The following PODXL variants were observed in gnomAD, a reference collection of about 807,000 sequenced individuals.
PODXL encodes the protein podocalyxin.
PODXL carries 20 observed loss-of-function variants against 48.9 expected under a neutral mutation model. That is an observed-to-expected ratio of 0.41 (90% CI 0.29 to 0.59). The LOEUF (loss-of-function observed/expected upper bound fraction) is 0.59. Among genes scored for constraint, PODXL ranks in the 20% least tolerant of loss-of-function variants. PODXL has a pLI of 0.31. For missense variants in PODXL, 606 were observed against 675.1 expected, an observed-to-expected ratio of 0.90 and a Z score of 1.13; for synonymous variants, 295 against 287.4, an observed-to-expected ratio of 1.03 and a Z score of -0.27.
rs1797908698 is a variant in PODXL at position 131,511,233 on chromosome 7, C to T, written c.301G>A (p.Gly101Ser). 6.2e-7 allele frequency: 1 copy of T among 1,614,040 alleles called. No individual in the cohort carries two copies. The highest frequency in any genetic ancestry group is 2.2e-5 in the East Asian group (1 of 44,870). Residue 101 changes from glycine to serine, a missense_variant, in exon 2 of 9, where the codon GGC (glycine) becomes AGC (serine). Coordinates refer to ENST00000378555, the MANE Select transcript of PODXL (RefSeq NM_001018111.3). ...CTAGCCACGGTAGTGTTGACTGGGC[C>T]TGAGACTTGCTGAGCCAGGGTTGTA... The part of the protein sequence containing the change: ...GTTTLAQQVS[G>S]PVNTTVARGG...
chr7:131,523,111 T>G (rs1263091602), intron 1 of PODXL, among the ~76,000 whole-genome samples: 1 of 152,234 alleles, frequency 6.6e-6, no homozygotes, highest in Non-Finnish European at 1.5e-5. Flanking sequence ...CCAAGCTATT[T>G]TCCAAAGTGG....
chr7:131,524,377 C>CAGAGAGAGAGAGAGAGAGAGAGAGAG (rs1451998492), intron 1 of PODXL, among the ~76,000 whole-genome samples: 1 of 24,034 alleles, frequency 4.2e-5, no homozygotes, highest in Admixed American at 5.2e-4. Flanking sequence ...CACACACACA[C>CAGAGAGAGAGAGAGAGAGAGAGAGAG]ACAGAGAGAG....
chr7:131,505,767 G>A (rs1797786821), intron 8 of PODXL, 101 bp downstream of exon 8: 2 of 1,200,190 alleles, frequency 1.7e-6, no homozygotes, highest in South Asian at 3.0e-5. Flanking sequence ...AAGGGTCCAG[G>A]GCCTGCTCCC....
intron 7 of PODXL, 38 bp from the exon 8 acceptor site, chr7:131,506,073 C>G: frequency 2.5e-6 from 4 of 1,592,026 alleles, no homozygotes; most frequent in Non-Finnish European, 3.4e-6. Flanking sequence ...TGGGGGCATC[C>G]TCTCTCCCTC....
At chr7:131,522,791 G>A (rs777941840) in intron 1 of PODXL, among the ~76,000 whole-genome samples, 18 of 152,168 alleles carry the variant, frequency 1.2e-4, no homozygotes, top group Non-Finnish European at 1.3e-4. Flanking sequence ...CTTTCACTTT[G>A]ATGTGTTTTC....
rs1158688883 is a variant in PODXL at position 131,509,021 on chromosome 7, C to G, written c.1031G>C (p.Cys344Ser). The change falls in exon 5 of 9, where the codon TGT (cysteine) becomes TCT (serine). Residue 344 changes from cysteine (C) to serine (S), a missense_variant. Transcript: ENST00000378555. ...TVAHESNWAK[C>S]EDLETQTQSE... Reference sequence around the variant, plus strand: ...CTGTGTCTGTGTCTCAAGATCCTCACACTTTGCCTGGAAGAAGCCACTGAG... The same window carrying G: ...CTGTGTCTGTGTCTCAAGATCCTCAGACTTTGCCTGGAAGAAGCCACTGAG... 2.5e-6 allele frequency: 4 copies of G among 1,613,758 alleles called. No homozygotes were observed. In the South Asian group the frequency reaches 4.4e-5, roughly 18 times the overall value.
intron 1 of PODXL, among the ~76,000 whole-genome samples, chr7:131,540,930 C>A (rs944710976): frequency 1.3e-5 from 2 of 152,184 alleles, no homozygotes; most frequent in Non-Finnish European, 2.9e-5. Context: ...CTGTGAATTT[C>A]CCAGGGAATG....
At chr7:131,507,890 T>G (rs1319668750) in intron 5 of PODXL, among the ~76,000 whole-genome samples, 1 of 152,210 alleles carries the variant, frequency 6.6e-6, no homozygotes, top group Non-Finnish European at 1.5e-5. Context: ...AATGCCGGCA[T>G]AATGGACACC....
rs1050901867 is a variant in PODXL at position 131,500,656 on chromosome 7, T to C, written c.*3655A>G. The C allele has an allele frequency of 2.0e-5, 3 of 152,192 alleles. No homozygotes were observed. Among genetic ancestry groups the C allele is most frequent in the African/African-American group, 7.2e-5 (3 of 41,446 alleles). 9.4% of individuals were successfully genotyped at this position (152,192 alleles called of 1,614,324 possible). A position where few individuals can be genotyped will look rare whatever the true frequency, so the allele number is the denominator to read the frequency against. ...CATATATAAAAGCTCATCCAAAACT[T>C]TGTTTCTTGGCAGAAAGAAAGAATT... On this transcript the variant is annotated 3_prime_UTR_variant, in exon 9 of 9. Transcript: ENST00000378555.
intron 1 of PODXL, among the ~76,000 whole-genome samples, chr7:131,531,504 G>A (rs1562912469): frequency 1.3e-5 from 2 of 152,038 alleles, no homozygotes; most frequent in African/African-American, 4.8e-5. Context: ...CCATCTCTGC[G>A]CCTCAAGTCC....
In PODXL at chr7:131,556,561, C is replaced by T; in HGVS notation, c.-202G>A. 1 of 541,824 alleles carries T rather than the reference C, an allele frequency of 1.8e-6. No homozygotes were observed. The highest frequency in any genetic ancestry group is 2.7e-6 in the Non-Finnish European group (1 of 367,216). 33.6% of individuals were successfully genotyped at this position (541,824 alleles called of 1,614,324 possible). A position where few individuals can be genotyped will look rare whatever the true frequency, so the allele number is the denominator to read the frequency against. On this transcript the variant is annotated 5_prime_UTR_variant, in exon 1 of 9. Transcript: ENST00000378555. ...GCAGAGCCGGGCTGGGGCGCAGAGC[C>T]AGTGGCAGAGGAGCGGCGGCGGCGG...
At chr7:131,542,529 T>C (rs1798499859) in intron 1 of PODXL, among the ~76,000 whole-genome samples, 1 of 152,128 alleles carries the variant, frequency 6.6e-6, no homozygotes, top group Non-Finnish European at 1.5e-5. Flanking sequence ...TGGTGGTGCA[T>C]GCCTGTGGTC....
chr7:131,506,973 G>A, intron 5 of PODXL: 1 of 542,374 alleles, frequency 1.8e-6, no homozygotes, highest in Non-Finnish European at 3.3e-6. Context: ...TGTTTATCTG[G>A]TCTACGCTTG....
rs1554385060 is a variant in PODXL, at chr7:131,524,364, A to ACACACACACG, written c.101-12932_101-12931insCGTGTGTGTG. On this transcript the variant is annotated intron_variant, in intron 1 of 8. Transcript: ENST00000378555. ...CAATAGGAAACACACACACACACGC[A>ACACACACACG]CACACACACACACACAGAGAGAGAG... Among the ~76,000 whole-genome samples the ACACACACACG allele has an allele frequency of 4.2e-4, 39 of 91,972 alleles. 1 individual carries two copies. Among genetic ancestry groups the ACACACACACG allele is most frequent in the South Asian group, 8.3e-4 (2 of 2,404 alleles). The allele number at this position is 91,972 out of a possible 152,430, so 60.3% of individuals were successfully genotyped here. A position where few individuals can be genotyped will look rare whatever the true frequency, so the allele number is the denominator to read the frequency against.
chr7:131,556,208 G>C lies in PODXL; in HGVS notation c.100+52C>G, dbSNP rs1048327540. 48 of 1,402,600 alleles carry C rather than the reference G, an allele frequency of 3.4e-5. 1 individual carries two copies. In the South Asian group the frequency reaches 7.3e-4, roughly 21 times the overall value. 86.9% of individuals were successfully genotyped at this position (1,402,600 alleles called of 1,614,324 possible). ...GCTTCCCTGCAGCTCGGCCGGGCAG[G>C]GGGCACATGGGCACGGTGGGAGTCC... On this transcript the variant is annotated intron_variant, in intron 1 of 8. Transcript: ENST00000378555.
chr7:131,544,478 A>C (rs959594284), intron 1 of PODXL, among the ~76,000 whole-genome samples: 4 of 152,218 alleles, frequency 2.6e-5, no homozygotes, highest in Non-Finnish European at 5.9e-5. Context: ...GCCGATCCAC[A>C]GCACAAGCTC....
intron 1 of PODXL, among the ~76,000 whole-genome samples, chr7:131,524,315 C>T (rs1733873): frequency 0.87 from 130,763 of 149,506 alleles, 57,417 homozygotes; most frequent in East Asian, 1. Context: ...CTATTGAACA[C>T]TGTACTGTGA....
intron 1 of PODXL, among the ~76,000 whole-genome samples, chr7:131,548,089 T>C (rs1362100471): frequency 6.6e-6 from 1 of 152,250 alleles, no homozygotes; most frequent in African/African-American, 2.4e-5. Context: ...GCCAGGTTTC[T>C]TTGTGCATTA....
At chr7:131,553,630 T>C (rs2116876125) in intron 1 of PODXL, among the ~76,000 whole-genome samples, 1 of 152,332 alleles carries the variant, frequency 6.6e-6, no homozygotes, top group Non-Finnish European at 1.5e-5. Context: ...AGGTCCACTA[T>C]TTTGTCCATG....
Sources: allele counts gnomAD v4.1 joint callset (sites outside exome capture counted in the v4.1 genomes callset), GRCh38; gene constraint gnomAD v4.1.1; transcripts MANE v1.5; gene names NCBI Gene and HGNC (gene_info 2026-07-23, HGNC 2026-07-21).